Variants in RASAL1 observed in about 807,000 individuals in gnomAD.
The protein encoded by RASAL1 is rasGAP-activating-like protein 1.
In RASAL1, 72 loss-of-function variants were observed where a neutral mutation model predicts 96.6. The observed-to-expected ratio is 0.75, with a 90% CI of 0.62 to 0.91. The LOEUF (loss-of-function observed/expected upper bound fraction) is 0.91, where lower values mean the gene tolerates loss of function less well. Among genes scored for constraint, RASAL1 ranks in the 40% least tolerant of loss-of-function variants. The probability of loss-of-function intolerance (pLI) is 0.00; values close to 1 mark genes in which losing one functional copy is unlikely to be tolerated. For synonymous variants in RASAL1, 405 were observed against 430.4 expected, an observed-to-expected ratio of 0.94 and a Z score of 0.73; for missense variants, 1,016 against 1,072.5, an observed-to-expected ratio of 0.95 and a Z score of 0.74.
At position 113,116,003 on chromosome 12, in the gene RASAL1, G is replaced by A. The variant is rs375624612; in HGVS notation, c.780C>T (p.Arg260=). 80 of 1,610,030 alleles carry A rather than the reference G, an allele frequency of 5.0e-5. No individual in the cohort carries two copies. The highest frequency in any genetic ancestry group is 6.3e-5 in the Non-Finnish European group (74 of 1,177,758). The change falls in exon 9 of 21, where the codon CGC becomes CGT. Residue 260 remains arginine (R), a synonymous_variant. Coordinates refer to ENST00000548055, the MANE Select transcript of RASAL1 (RefSeq NM_001301202.2). ...LRVKVRLIED[R]VLPSQCYQPL... ...GCTGGTAGCACTGGGAGGGCAGGAC[G>A]CGGTCCTCAATCAGGCGTACCTTCA...
rs767102083 is a variant in RASAL1, at chr12:113,135,383, C to G, written c.65+15G>C. On this transcript the variant is annotated intron_variant, in intron 1 of 20. Transcript: ENST00000548055. This position sits in a 1 kb window ranked among gnomAD's most constrained non-coding sequence, Gnocchi z 5.7. Reference sequence around the variant, plus strand: ...TTGCGCGCCCCTCACCCAGAAGCGCCCGAGGAGTACTCACACGTCCTTGGC... The same window carrying G: ...TTGCGCGCCCCTCACCCAGAAGCGCGCGAGGAGTACTCACACGTCCTTGGC... 64 of 1,604,124 alleles carry G rather than the reference C, an allele frequency of 4.0e-5. No homozygotes were observed. In the South Asian group the frequency reaches 6.3e-4, roughly 16 times the overall value.
Position 113,133,953 on chromosome 12 carries a change from C to G in RASAL1, c.65+1445G>C, listed in dbSNP as rs150546216. The stretch of plus-strand genomic sequence containing the variant: ...CCAGTGTCCAGGTGCAGGGGTGACA[C>G]CCATCGCCCCCTCATGACCTCTCAC... On this transcript the variant is annotated intron_variant, in intron 1 of 20. Transcript: ENST00000548055. 9.0e-3 allele frequency among the ~76,000 whole-genome samples: 1,367 copies of G among 152,338 alleles called. 10 individuals are homozygous for G. Among genetic ancestry groups the G allele is most frequent in the Non-Finnish European group, 0.014 (966 of 68,024 alleles).
In RASAL1 at chr12:113,133,380, G is replaced by A. The variant is rs576590587; in HGVS notation, c.65+2018C>T. On this transcript the variant is annotated intron_variant, in intron 1 of 20. Coordinates refer to ENST00000548055, the MANE Select transcript of RASAL1 (RefSeq NM_001301202.2). Reference sequence around the variant, plus strand: ...GCATGGAGTAGTCAGAGTTCAAATCGCAGCTGGGTGACCTTAGGCAAGTGA... The same window carrying A: ...GCATGGAGTAGTCAGAGTTCAAATCACAGCTGGGTGACCTTAGGCAAGTGA... Among the ~76,000 whole-genome samples, 45 of 152,266 alleles carry A rather than the reference G, an allele frequency of 3.0e-4. No homozygotes were observed. The East Asian group carries it at 7.3e-3, about 25-fold the overall frequency.
rs542908865 is a variant in RASAL1 at position 113,124,732 on chromosome 12, G to A, written c.298+3080C>T. Among the ~76,000 whole-genome samples, 125 of 152,286 alleles carry A rather than the reference G, an allele frequency of 8.2e-4. 2 individuals carry two copies. Among genetic ancestry groups the A allele is most frequent in the African/African-American group, 2.6e-3 (110 of 41,550 alleles). On this transcript the variant is annotated intron_variant, in intron 4 of 20. Transcript: ENST00000548055. Reference sequence around the variant, plus strand: ...TCACTGGTGTGTTGAGAAGTAAAGCGCTTAGCACCATGCCTGGCATATAGT... The same window carrying A: ...TCACTGGTGTGTTGAGAAGTAAAGCACTTAGCACCATGCCTGGCATATAGT...
chr12:113,111,849 C>T (rs1414895106), intron 13 of RASAL1, among the ~76,000 whole-genome samples: 5 of 152,230 alleles, frequency 3.3e-5, no homozygotes, highest in Non-Finnish European at 5.9e-5. Flanking sequence ...ATCCACCCTC[C>T]TCGGCCTCCC....
At chr12:113,134,918 C>A (rs1267896517) in intron 1 of RASAL1, among the ~76,000 whole-genome samples, 1 of 151,882 alleles carries the variant, frequency 6.6e-6, no homozygotes, top group Non-Finnish European at 1.5e-5. Flanking sequence ...CTCTGCAAAC[C>A]TAAGCACCAG....
intron 5 of RASAL1, 78 bp downstream of exon 5, chr12:113,121,431 G>A (rs1951290278): frequency 5.1e-6 from 8 of 1,583,926 alleles, no homozygotes; most frequent in South Asian, 3.5e-5. Context: ...GGTCCCAAAC[G>A]CCAGGCAGCA....
At chr12:113,118,674 G>A (rs965362102) in intron 7 of RASAL1, among the ~76,000 whole-genome samples, 1 of 152,296 alleles carries the variant, frequency 6.6e-6, no homozygotes, top group South Asian at 2.1e-4. Context: ...GAGTCAAAGA[G>A]ATCTGAACTC....
At chr12:113,107,278 C>T in intron 14 of RASAL1, 37 bp from the exon 15 acceptor site, 1 of 1,557,292 alleles carries the variant, frequency 6.4e-7, no homozygotes, top group South Asian at 1.2e-5. Flanking sequence ...GGGCCAAGGT[C>T]ACAGCAGAGG....
Position 113,115,930 on chromosome 12 carries a change from C to A in RASAL1, c.849+4G>T. On this transcript the variant is annotated splice_donor_region_variant and intron_variant, in intron 9 of 20. Coordinates refer to ENST00000548055, the MANE Select transcript of RASAL1 (RefSeq NM_001301202.2). The surrounding 1 kb of genome is among the most constrained non-coding windows in gnomAD (Gnocchi z 4.1). ...TGATAGCATTGCTTGCCTGACGCAC[C>A]CACCTCTGCTGGCCCCTGCACAGAC... 1 of 1,588,638 alleles carries A rather than the reference C, an allele frequency of 6.3e-7. No homozygotes were observed.
chr12:113,127,247 G>A (rs1179243147), intron 4 of RASAL1, among the ~76,000 whole-genome samples: 2 of 152,060 alleles, frequency 1.3e-5, no homozygotes, highest in Admixed American at 1.3e-4. Flanking sequence ...AATATTTCTA[G>A]AAGGACATAC....
At chr12:113,121,734 T>C in intron 4 of RASAL1, 96 bp from the exon 5 acceptor site, 1 of 1,429,018 alleles carries the variant, frequency 7.0e-7, no homozygotes, top group Non-Finnish European at 9.4e-7. Flanking sequence ...TCATTTTTTT[T>C]TTTTTGACAC....
At chr12:113,118,694 C>A (rs1317763222) in intron 7 of RASAL1, among the ~76,000 whole-genome samples, 1 of 152,202 alleles carries the variant, frequency 6.6e-6, no homozygotes, top group Non-Finnish European at 1.5e-5. Context: ...CAGATCCTGG[C>A]TCTGCCCTTT....
chr12:113,101,495 G>A (rs1592872781), intron 19 of RASAL1, among the ~76,000 whole-genome samples: 1 of 152,266 alleles, frequency 6.6e-6, no homozygotes, highest in South Asian at 2.1e-4. Context: ...ACCCAGACAG[G>A]TCAGCTTCAG....
rs1180582457 is a variant in RASAL1, at chr12:113,129,763, C to T, written c.122+1122G>A. ...ACCCCGCCTTCTTCCTCCAGCCCAG[C>T]GGCACCAACCTCAGATGGACCCCCA... On this transcript the variant is annotated intron_variant, in intron 2 of 20. Transcript: ENST00000548055. This position sits in a 1 kb window ranked among gnomAD's most constrained non-coding sequence, Gnocchi z 5.0. Among the ~76,000 whole-genome samples the T allele has an allele frequency of 6.6e-6, 1 of 152,202 alleles. No individual in the cohort carries two copies. The highest frequency in any genetic ancestry group is 1.5e-5 in the Non-Finnish European group (1 of 68,024).
intron 4 of RASAL1, among the ~76,000 whole-genome samples, chr12:113,122,705 TA>T (rs1477626476): frequency 8.5e-5 from 13 of 152,236 alleles, no homozygotes; most frequent in Non-Finnish European, 1.3e-4. Context: ...ACAGATTTTT[TA>T]AAATCCTGCT....
intron 4 of RASAL1, among the ~76,000 whole-genome samples, chr12:113,126,757 T>C (rs1951499033): frequency 1.3e-5 from 2 of 151,436 alleles, no homozygotes; most frequent in African/African-American, 4.9e-5. Flanking sequence ...ACTAGACAAC[T>C]TTGGTTCAAA....
At chr12:113,133,983 G>C (rs1267446001) in intron 1 of RASAL1, among the ~76,000 whole-genome samples, 1 of 152,178 alleles carries the variant, frequency 6.6e-6, no homozygotes. Context: ...TCTCACCCAG[G>C]GCTGGTGGAG....
intron 14 of RASAL1, 90 bp downstream of exon 14, chr12:113,107,994 TC>T: frequency 7.0e-7 from 1 of 1,433,474 alleles, no homozygotes; most frequent in Non-Finnish European, 9.3e-7. Flanking sequence ...GTTCTTTGGG[TC>T]TTCTGTGGGT....
Sources: gnomAD v4.1 joint callset for allele counts (sites outside exome capture counted in the v4.1 genomes callset) on GRCh38, gnomAD v4.1.1 for gene constraint, Gnocchi (gnomAD v3.1) non-coding constraint, MANE v1.5 for transcripts, NCBI Gene and HGNC (gene_info 2026-07-23, HGNC 2026-07-21) for gene names.